SPHK2: variants seen among roughly 807,000 people sequenced by gnomAD.
SPHK2 encodes the protein sphingosine kinase 2.
Under a neutral mutation model 32.3 loss-of-function variants are expected in SPHK2, and 18 were observed. The observed-to-expected ratio is 0.56, with a 90% CI of 0.39 to 0.83. The LOEUF (loss-of-function observed/expected upper bound fraction) is 0.83, where lower values mean the gene tolerates loss of function less well. Ranked by LOEUF, SPHK2 falls within the 40% of genes least tolerant of loss-of-function variation. The probability of loss-of-function intolerance (pLI) is 0.00; values close to 1 mark genes in which losing one functional copy is unlikely to be tolerated. For synonymous variants in SPHK2, 462 were observed against 417.6 expected, an observed-to-expected ratio of 1.11 and a Z score of -1.30; for missense variants, 850 against 908.7, an observed-to-expected ratio of 0.94 and a Z score of 0.83.
Position 48,628,521 on chromosome 19 carries a change from C to A in SPHK2, c.873-160C>A. On this transcript the variant is annotated intron_variant, in intron 6 of 6. Coordinates refer to ENST00000245222, the MANE Select transcript of SPHK2 (RefSeq NM_020126.5). This position sits in a 1 kb window ranked among gnomAD's most constrained non-coding sequence, Gnocchi z 5.2. ...GGAGCAAATGAAAGATGACCAGGAA[C>A]CTGGCCCCGTAAGGAGTCGCCTGGA... 1 of 975,200 alleles carries A rather than the reference C, an allele frequency of 1.0e-6. No individual in the cohort carries two copies. Among genetic ancestry groups the A allele is most frequent in the Non-Finnish European group, 1.6e-6 (1 of 612,524 alleles). The allele number at this position is 975,200 out of a possible 1,614,324, so 60.4% of individuals were successfully genotyped here.
rs201060185 is a variant in SPHK2 at position 48,627,962 on chromosome 19, T to A, written c.662-13T>A. On this transcript the variant is annotated splice_polypyrimidine_tract_variant and intron_variant, in intron 4 of 6. Coordinates refer to ENST00000245222, the MANE Select transcript of SPHK2 (RefSeq NM_020126.5). ...TGGGACAGCCTGCCTAACAGCCCGGTATCCCACTTCAGAACGACAGAACCA... is the reference window on the plus strand; with the variant it reads ...TGGGACAGCCTGCCTAACAGCCCGGAATCCCACTTCAGAACGACAGAACCA... 1.6e-4 allele frequency: 244 copies of A among 1,573,658 alleles called. No individual in the cohort carries two copies. The highest frequency in any genetic ancestry group is 2.0e-4 in the Non-Finnish European group (229 of 1,157,098).
chr19:48,629,324 G>T lies in SPHK2; in HGVS notation c.1516G>T (p.Ala506Ser), dbSNP rs145253804. ...TGGGCTCCCACTTCCCACCCCTGAT[G>T]CCCGGGTAGGGGCCTCCACCTGCGG... ...SSGLPLPTPD[A>S]RVGASTCGPP... is the part of the protein sequence containing the mutation. Residue 506 changes from alanine (A) to serine (S), a missense_variant, in exon 7 of 7, where the codon GCC becomes TCC. Transcript: ENST00000245222. 14,124 of 1,613,200 alleles carry T rather than the reference G, an allele frequency of 8.8e-3. 81 individuals carry two copies. Among genetic ancestry groups the T allele is most frequent in the Non-Finnish European group, 0.011 (12,461 of 1,179,954 alleles).
At position 48,628,335 on chromosome 19, in the gene SPHK2, C is replaced by T. The variant is rs1305002115; in HGVS notation, c.872+58C>T. 4.1e-6 allele frequency: 6 copies of T among 1,480,862 alleles called. No individual in the cohort carries two copies. Among genetic ancestry groups the T allele is most frequent in the Admixed American group, 3.3e-5 (2 of 59,854 alleles). The allele number at this position is 1,480,862 out of a possible 1,614,324, so 91.7% of individuals were successfully genotyped here. ...GCCCCTCCTGGGGTGATAGGGACCC[C>T]TATATCTCCCACTCAGCCAAACCCA... On this transcript the variant is annotated intron_variant, in intron 6 of 6. Transcript: ENST00000245222. This position sits in a 1 kb window ranked among gnomAD's most constrained non-coding sequence, Gnocchi z 5.2.
At position 48,628,091 on chromosome 19, in the gene SPHK2, C is replaced by T; in HGVS notation, c.756+22C>T. 3 of 1,580,564 alleles carry T rather than the reference C, an allele frequency of 1.9e-6. No homozygotes were observed. The highest frequency in any genetic ancestry group is 1.7e-6 in the Non-Finnish European group (2 of 1,160,414). ...TGAGGTAGAGCAGGAGCACCCTGCC[C>T]CTAGCCCTGGGCCCTGGGGGACTAT... On this transcript the variant is annotated intron_variant, in intron 5 of 6. Coordinates refer to ENST00000245222, the MANE Select transcript of SPHK2 (RefSeq NM_020126.5). This position sits in a 1 kb window ranked among gnomAD's most constrained non-coding sequence, Gnocchi z 5.2.
chr19:48,628,751 C>A lies in SPHK2; in HGVS notation c.943C>A (p.Pro315Thr), dbSNP rs1269099927. 2 of 1,613,270 alleles carry A rather than the reference C, an allele frequency of 1.2e-6. No individual in the cohort carries two copies. Among genetic ancestry groups the A allele is most frequent in the South Asian group, 2.2e-5 (2 of 91,084 alleles). The change falls in exon 7 of 7, where the codon CCA becomes ACA. Residue 315 changes from proline (P) to threonine (T), a missense_variant. Coordinates refer to ENST00000245222, the MANE Select transcript of SPHK2 (RefSeq NM_020126.5). This position sits in a 1 kb window ranked among gnomAD's most constrained non-coding sequence, Gnocchi z 5.2. ...SLLLCRGGGHPLDLLSVTLAS... is the reference protein window; with the variant it reads ...SLLLCRGGGHTLDLLSVTLAS... ...GTTGCTGTGCCGGGGTGGTGGCCACCCACTGGACCTGCTCTCCGTGACGCT... is the reference window on the plus strand; with the variant it reads ...GTTGCTGTGCCGGGGTGGTGGCCACACACTGGACCTGCTCTCCGTGACGCT...
chr19:48,623,768 C>T (rs1038432938), intron 2 of SPHK2: 4 of 152,280 alleles, frequency 2.6e-5, no homozygotes, highest in African/African-American at 9.7e-5. Flanking sequence ...AAGTGTCTGT[C>T]TCCATCTGTC....
chr19:48,622,504 C>T (rs1232251670), intron 2 of SPHK2, among the ~76,000 whole-genome samples: 1 of 152,030 alleles, frequency 6.6e-6, no homozygotes, highest in Admixed American at 6.6e-5. Context: ...CCTTTTCCTC[C>T]TCCCTGTCCT....
At chr19:48,625,825 C>T (rs756318622) in intron 2 of SPHK2, 66 bp from the exon 3 acceptor site, 1 of 1,563,290 alleles carries the variant, frequency 6.4e-7, no homozygotes, top group South Asian at 1.2e-5. Flanking sequence ...GTCCACAGCC[C>T]CTGCCCCTCC....
chr19:48,628,114 T>C lies in SPHK2; in HGVS notation c.756+45T>C. 6.3e-7 allele frequency: 1 copy of C among 1,592,416 alleles called. No individual in the cohort carries two copies. Among genetic ancestry groups the C allele is most frequent in the Non-Finnish European group, 8.6e-7 (1 of 1,165,968 alleles). ...CCCCTAGCCCTGGGCCCTGGGGGACTATAGAGACTGCCACCAGGACCCAGG... is the reference window on the plus strand; with the variant it reads ...CCCCTAGCCCTGGGCCCTGGGGGACCATAGAGACTGCCACCAGGACCCAGG... On this transcript the variant is annotated intron_variant, in intron 5 of 6. Transcript: ENST00000245222. The surrounding 1 kb of genome is among the most constrained non-coding windows in gnomAD (Gnocchi z 5.2).
At chr19:48,627,546 C>A in intron 3 of SPHK2, 146 bp from the exon 4 acceptor site, 1 of 923,422 alleles carries the variant, frequency 1.1e-6, no homozygotes, top group South Asian at 1.8e-5. Context: ...TGGGGCAGGG[C>A]TGCATACCTA....
chr19:48,627,524 G>A (rs1303456893), intron 3 of SPHK2, among the ~76,000 whole-genome samples, 168 bp from the exon 4 acceptor site: 1 of 152,232 alleles, frequency 6.6e-6, no homozygotes, highest in Admixed American at 6.5e-5. Context: ...CTTTGTCTCA[G>A]CAGCTAGGAG....
chr19:48,628,139 G>A lies in SPHK2; in HGVS notation c.757-23G>A, dbSNP rs2030118325. 2 of 1,605,858 alleles carry A rather than the reference G, an allele frequency of 1.2e-6. No homozygotes were observed. The highest frequency in any genetic ancestry group is 2.2e-5 in the South Asian group (2 of 90,368). On this transcript the variant is annotated intron_variant, in intron 5 of 6. Transcript: ENST00000245222. The surrounding 1 kb of genome is among the most constrained non-coding windows in gnomAD (Gnocchi z 5.2). ...TATAGAGACTGCCACCAGGACCCAG[G>A]CTTCTGGTCTCCCACCCTCCAGGTG...
At position 48,628,145 on chromosome 19, in the gene SPHK2, G is replaced by A; in HGVS notation, c.757-17G>A. 2 of 1,608,212 alleles carry A rather than the reference G, an allele frequency of 1.2e-6. No homozygotes were observed. On this transcript the variant is annotated splice_polypyrimidine_tract_variant and intron_variant, in intron 5 of 6. Coordinates refer to ENST00000245222, the MANE Select transcript of SPHK2 (RefSeq NM_020126.5). This position sits in a 1 kb window ranked among gnomAD's most constrained non-coding sequence, Gnocchi z 5.2. ...GACTGCCACCAGGACCCAGGCTTCT[G>A]GTCTCCCACCCTCCAGGTGCTGAAC...
Position 48,629,318 on chromosome 19 carries a change from C to T in SPHK2, c.1510C>T (p.Pro504Ser), listed in dbSNP as rs139877170. The change falls in exon 7 of 7, where the codon CCT becomes TCT. Residue 504 changes from proline (P) to serine (S), a missense_variant. Pro to Ser is a moderately conservative substitution (Grantham distance 74, BLOSUM62 -1). Transcript: ENST00000245222. ...ATCCTCTGGGCTCCCACTTCCCACC[C>T]CTGATGCCCGGGTAGGGGCCTCCAC... ...PPSSGLPLPT[P>S]DARVGASTCG... The T allele has an allele frequency of 9.8e-4, 1,588 of 1,613,326 alleles. 1 individual carries two copies. Among genetic ancestry groups the T allele is most frequent in the Admixed American group, 2.6e-3 (158 of 60,032 alleles).
Position 48,630,202 on chromosome 19 carries a change from G to C in SPHK2, c.*429G>C, listed in dbSNP as rs1568437585. The C allele has an allele frequency of 2.4e-6, 3 of 1,253,856 alleles. No individual in the cohort carries two copies. The highest frequency in any genetic ancestry group is 1.5e-5 in the African/African-American group (1 of 64,618). 77.7% of individuals were successfully genotyped at this position (1,253,856 alleles called of 1,614,324 possible). ...CCCGCAGCCTCGCCCCATCCACTCC[G>C]GTGCCTCCATTTAGCTGGCCAATCA... On this transcript the variant is annotated 3_prime_UTR_variant, in exon 7 of 7. Transcript: ENST00000245222. The surrounding 1 kb of genome is among the most constrained non-coding windows in gnomAD (Gnocchi z 4.9).
At chr19:48,624,895 C>T (rs1478748987) in intron 2 of SPHK2, 12 of 980,762 alleles carry the variant, frequency 1.2e-5, no homozygotes, top group Middle Eastern at 5.2e-4. Context: ...GCTGTCCTGG[C>T]GCTCTGGGCC....
chr19:48,620,079 ACT>A (rs1019367182), intron 1 of SPHK2, among the ~76,000 whole-genome samples: 1 of 151,764 alleles, frequency 6.6e-6, no homozygotes, highest in African/African-American at 2.4e-5. Context: ...TTTGGGCCTT[ACT>A]CTCCTTATGG....
intron 2 of SPHK2, among the ~76,000 whole-genome samples, chr19:48,621,229 G>A (rs970047784): frequency 1.3e-5 from 2 of 152,080 alleles, no homozygotes; most frequent in Admixed American, 6.6e-5. Context: ...ACAGGCATGC[G>A]CCACCACACC....
intron 2 of SPHK2, chr19:48,624,715 A>G (rs1974537351): frequency 5.8e-6 from 1 of 171,076 alleles, no homozygotes; most frequent in South Asian, 1.9e-4. Context: ...CCCAGGCCCA[A>G]GACTGGAGGA....
Sources: allele counts gnomAD v4.1 joint callset (sites outside exome capture counted in the v4.1 genomes callset), GRCh38; gene constraint gnomAD v4.1.1; non-coding constraint Gnocchi (gnomAD v3.1); transcripts MANE v1.5; gene names NCBI Gene and HGNC (gene_info 2026-07-23, HGNC 2026-07-21).